CACNB2: variants seen among roughly 807,000 people sequenced by gnomAD.
The protein encoded by CACNB2 is voltage-dependent L-type calcium channel subunit beta-2.
In CACNB2, 42 loss-of-function variants were observed where a neutral mutation model predicts 73.3. The ratio of observed to expected loss-of-function variants is 0.57; its 90% CI spans 0.45 to 0.74. The LOEUF (loss-of-function observed/expected upper bound fraction) is 0.74. CACNB2 is among the 30% of genes least tolerant of loss of function. The pLI is 0.00. For missense variants in CACNB2, 940 were observed against 853.0 expected, an observed-to-expected ratio of 1.10 and a Z score of -1.27; for synonymous variants, 348 against 310.3, an observed-to-expected ratio of 1.12 and a Z score of -1.28.
At chr10:18,459,439 A>G (rs77973690) in intron 3 of CACNB2, among the ~76,000 whole-genome samples, 4,081 of 152,266 alleles carry the variant, frequency 0.027, 79 homozygotes, top group East Asian at 0.1. Flanking sequence ...CCGCCACCAC[A>G]CCACAAATCA....
At chr10:18,151,927 T>A (rs905806746) in intron 2 of CACNB2, among the ~76,000 whole-genome samples, 1 of 152,214 alleles carries the variant, frequency 6.6e-6, no homozygotes, top group Non-Finnish European at 1.5e-5. Context: ...TCCATCATCA[T>A]GGCCATAGAT....
In CACNB2 at chr10:18,542,049, G is replaced by C; in HGVS notation, c.*2325G>C. The C allele has an allele frequency of 6.6e-6, 1 of 151,274 alleles. No homozygotes were observed. Among genetic ancestry groups the C allele is most frequent in the Non-Finnish European group, 1.5e-5 (1 of 67,850 alleles). 9.4% of individuals were successfully genotyped at this position (151,274 alleles called of 1,614,324 possible). On this transcript the variant is annotated 3_prime_UTR_variant, in exon 14 of 14. Transcript: ENST00000324631. ...AAAACGCAATATTAAAAATGATTAAGCTGGGGTGGTAGAGTATACCTGTAG... is the reference window on the plus strand; with the variant it reads ...AAAACGCAATATTAAAAATGATTAACCTGGGGTGGTAGAGTATACCTGTAG...
At chr10:18,309,813 T>C (rs2039888821) in intron 2 of CACNB2, among the ~76,000 whole-genome samples, 1 of 152,186 alleles carries the variant, frequency 6.6e-6, no homozygotes, top group Admixed American at 6.5e-5. Context: ...AGAATAGATG[T>C]CCGGATAAAC....
chr10:18,409,204 C>T (rs920961093), intron 3 of CACNB2, among the ~76,000 whole-genome samples: 1 of 151,254 alleles, frequency 6.6e-6, no homozygotes, highest in African/African-American at 2.4e-5. Context: ...GAGGCTGAAG[C>T]AGGAGAATCA....
chr10:18,258,847 A>G (rs181383952), intron 2 of CACNB2, among the ~76,000 whole-genome samples: 1 of 151,638 alleles, frequency 6.6e-6, no homozygotes, highest in African/African-American at 2.4e-5. Flanking sequence ...TTGAAGTCCT[A>G]CCTACTTGGA....
At chr10:18,157,581 C>CT (rs1403943318) in intron 2 of CACNB2, among the ~76,000 whole-genome samples, 1 of 152,158 alleles carries the variant, frequency 6.6e-6, no homozygotes, top group African/African-American at 2.4e-5. Flanking sequence ...TAAATGCTTA[C>CT]TTTAAGTTCT....
Position 18,140,831 on chromosome 10 carries a change from C to CG in CACNB2, c.100dup (p.Ala34GlyfsTer20). 1 of 1,603,010 alleles carries CG rather than the reference C, an allele frequency of 6.2e-7. No homozygotes were observed. Among genetic ancestry groups the CG allele is most frequent in the Non-Finnish European group, 8.5e-7 (1 of 1,176,456 alleles). On this transcript the variant is annotated frameshift_variant, in exon 1 of 14. Coordinates refer to ENST00000324631, the MANE Select transcript of CACNB2 (RefSeq NM_201596.3). LOFTEE classifies it high-confidence loss of function. Reference sequence around the variant, plus strand: ...GAACTGCTAGAGAACGTGGCTCCCGCGGGGGCGCTCGGAGCCGCCGCACAG... The same window carrying CG: ...GAACTGCTAGAGAACGTGGCTCCCGCGGGGGGCGCTCGGAGCCGCCGCACAG...
intron 3 of CACNB2, among the ~76,000 whole-genome samples, chr10:18,450,529 CCTTCT>C (rs1440141280): frequency 1.3e-5 from 2 of 152,066 alleles, no homozygotes; most frequent in Non-Finnish European, 2.9e-5. Flanking sequence ...ACTGGGTGTT[CCTTCT>C]CACTGCTTCT....
At chr10:18,270,432 T>C (rs1342895675) in intron 2 of CACNB2, among the ~76,000 whole-genome samples, 5 of 151,704 alleles carry the variant, frequency 3.3e-5, no homozygotes, top group Non-Finnish European at 5.9e-5. Flanking sequence ...AACAATCCAT[T>C]CTCCACATTG....
At chr10:18,254,345 AAT>A (rs1156234392) in intron 2 of CACNB2, among the ~76,000 whole-genome samples, 10 of 152,200 alleles carry the variant, frequency 6.6e-5, no homozygotes, top group African/African-American at 2.4e-4. Flanking sequence ...AATAACACAA[AAT>A]ATGTTTTAAA....
At chr10:18,343,204 T>A (rs920806280) in intron 2 of CACNB2, among the ~76,000 whole-genome samples, 2 of 152,198 alleles carry the variant, frequency 1.3e-5, no homozygotes, top group African/African-American at 2.4e-5. Context: ...ATGGTATCTT[T>A]AATAACTGCA....
chr10:18,405,111 C>T (rs1428364962), intron 3 of CACNB2, among the ~76,000 whole-genome samples: 1 of 152,172 alleles, frequency 6.6e-6, no homozygotes, highest in East Asian at 1.9e-4. Flanking sequence ...TCTTTGAAAA[C>T]AACTTTATTG....
At chr10:18,303,287 G>A (rs1363138036) in intron 2 of CACNB2, among the ~76,000 whole-genome samples, 1 of 152,184 alleles carries the variant, frequency 6.6e-6, no homozygotes, top group Non-Finnish European at 1.5e-5. Flanking sequence ...AGGATCACTT[G>A]AGCTGAGGAG....
chr10:18,349,906 A>G (rs1164627265), intron 2 of CACNB2, among the ~76,000 whole-genome samples: 1 of 152,144 alleles, frequency 6.6e-6, no homozygotes, highest in Non-Finnish European at 1.5e-5. Context: ...TTGCGCACGT[A>G]TGTTGCATGA....
At chr10:18,367,948 T>A (rs1288445604) in intron 2 of CACNB2, among the ~76,000 whole-genome samples, 1 of 152,198 alleles carries the variant, frequency 6.6e-6, no homozygotes, top group Non-Finnish European at 1.5e-5. Context: ...GAACCTATGT[T>A]AAAGAATATA....
intron 2 of CACNB2, among the ~76,000 whole-genome samples, chr10:18,184,093 C>G (rs1166550922): frequency 6.6e-6 from 1 of 152,218 alleles, no homozygotes; most frequent in African/African-American, 2.4e-5. Flanking sequence ...GGGCATTCAT[C>G]TTTTAGGAAA....
At chr10:18,437,104 A>C (rs1045522371) in intron 3 of CACNB2, among the ~76,000 whole-genome samples, 49 of 152,354 alleles carry the variant, frequency 3.2e-4, no homozygotes, top group African/African-American at 1.2e-3. Flanking sequence ...TAGAGACATG[A>C]CGTCACACTT....
At chr10:18,297,653 C>T (rs2039332214) in intron 2 of CACNB2, among the ~76,000 whole-genome samples, 1 of 152,180 alleles carries the variant, frequency 6.6e-6, no homozygotes, top group Non-Finnish European at 1.5e-5. Flanking sequence ...GATTCAGAAC[C>T]AACCTGAGCC....
chr10:18,176,919 CT>C (rs1353837457), intron 2 of CACNB2, among the ~76,000 whole-genome samples: 1 of 151,794 alleles, frequency 6.6e-6, no homozygotes, highest in African/African-American at 2.4e-5. Flanking sequence ...ATGAGTGGGA[CT>C]TTTGGTTAGG....
Sources: allele counts gnomAD v4.1 joint callset (sites outside exome capture counted in the v4.1 genomes callset), GRCh38; gene constraint gnomAD v4.1.1; transcripts MANE v1.5; gene names NCBI Gene and HGNC (gene_info 2026-07-23, HGNC 2026-07-21).